The following ARHGAP26 variants were observed in gnomAD, a reference collection of about 807,000 sequenced individuals.
ARHGAP26 encodes Rho GTPase activating protein 26.
A neutral mutation model predicts 104.8 loss-of-function variants in ARHGAP26; 38 were observed. That is an observed-to-expected ratio of 0.36 (90% CI 0.28 to 0.48). The LOEUF (loss-of-function observed/expected upper bound fraction) is 0.48, where lower values mean the gene tolerates loss of function less well. Ranked by LOEUF, ARHGAP26 falls within the 20% of genes least tolerant of loss-of-function variation. The pLI is 0.99. For synonymous variants in ARHGAP26, 341 were observed against 340.0 expected (o/e 1.00, Z -0.03); for missense variants, 704 against 947.9 (o/e 0.74, Z 3.38).
rs3776335 is a variant in ARHGAP26 at position 143,060,442 on chromosome 5, A to G, written c.1538+2695A>G. Reference sequence around the variant, plus strand: ...CCAGCTAAAAATTCATTCAGAGGGGAAAAAAAGTATTGGGTGGGGGGAAGG... The same window carrying G: ...CCAGCTAAAAATTCATTCAGAGGGGGAAAAAAGTATTGGGTGGGGGGAAGG... On this transcript the variant is annotated intron_variant, in intron 17 of 22. Coordinates refer to ENST00000645722, the MANE Select transcript of ARHGAP26 (RefSeq NM_001135608.3). 5.3e-3 allele frequency among the ~76,000 whole-genome samples: 803 copies of G among 152,156 alleles called. 14 individuals are homozygous for G. Among genetic ancestry groups the G allele is most frequent in the East Asian group, 0.018 (94 of 5,190 alleles).
At position 143,224,107 on chromosome 5, in the gene ARHGAP26, C is replaced by CTT. The variant is rs11347785; in HGVS notation, c.*1672_*1673dup. 9.5e-5 allele frequency: 20 copies of CTT among 209,786 alleles called. No homozygotes were observed. Among genetic ancestry groups the CTT allele is most frequent in the African/African-American group, 2.5e-4 (11 of 43,654 alleles). The allele number at this position is 209,786 out of a possible 1,614,324, so 13.0% of individuals were successfully genotyped here. The stretch of plus-strand genomic sequence containing the variant: ...TTGTGTTGAATTACTGTATCTTTTA[C>CTT]TTTTTTTTTTTTGAAAAGATAAACT... On this transcript the variant is annotated 3_prime_UTR_variant, in exon 23 of 23. Transcript: ENST00000645722.
intron 6 of ARHGAP26, among the ~76,000 whole-genome samples, chr5:142,895,493 G>A (rs113842165): frequency 0.036 from 5,491 of 152,242 alleles, 148 homozygotes; most frequent in Non-Finnish European, 0.055. Context: ...GCCTCCCAAA[G>A]TGCTGGGATT....
intron 20 of ARHGAP26, among the ~76,000 whole-genome samples, chr5:143,196,461 T>G (rs1806846586): frequency 6.6e-6 from 1 of 152,140 alleles, no homozygotes; most frequent in South Asian, 2.1e-4. Context: ...GGTCACAACA[T>G]TTTCATCACC....
chr5:142,873,443 A>G lies in ARHGAP26; in HGVS notation c.198A>G (p.Glu66=). 1.9e-6 allele frequency: 3 copies of G among 1,603,216 alleles called. No individual in the cohort carries two copies. The highest frequency in any genetic ancestry group is 2.5e-6 in the Non-Finnish European group (3 of 1,177,272). The change falls in exon 2 of 23, where the codon GAA becomes GAG. Residue 66 remains glutamate, a synonymous_variant. Coordinates refer to ENST00000645722, the MANE Select transcript of ARHGAP26 (RefSeq NM_001135608.3). ...AKRKFADSLN[E]FKFQCIGDAE... ...GGAAGTTTGCAGATTCCTTAAATGA[A>G]TTTAAATTTCAGTGCATAGGAGATG... is the stretch of plus-strand genomic sequence containing the variant.
chr5:143,142,972 C>T (rs1388887931), intron 19 of ARHGAP26, among the ~76,000 whole-genome samples: 3 of 152,078 alleles, frequency 2.0e-5, no homozygotes, highest in South Asian at 2.1e-4. Context: ...TGTAAAACTT[C>T]GCTCTGTCTG....
At chr5:143,194,474 C>T (rs574367564) in intron 20 of ARHGAP26, among the ~76,000 whole-genome samples, 2 of 152,124 alleles carry the variant, frequency 1.3e-5, no homozygotes, top group East Asian at 3.9e-4. Context: ...AAGAATAGTT[C>T]TCTTAAGTTA....
chr5:143,211,993 C>T (rs1352171139), intron 21 of ARHGAP26, among the ~76,000 whole-genome samples: 1 of 152,176 alleles, frequency 6.6e-6, no homozygotes, highest in African/African-American at 2.4e-5. Flanking sequence ...GCCAAATACC[C>T]CTGCTGGTTT....
chr5:142,807,899 G>C (rs569230521), intron 1 of ARHGAP26, among the ~76,000 whole-genome samples: 16 of 152,294 alleles, frequency 1.1e-4, no homozygotes, highest in African/African-American at 3.8e-4. Context: ...GGTTGAAAAG[G>C]ATAAACTGGA....
intron 1 of ARHGAP26, among the ~76,000 whole-genome samples, chr5:142,816,519 T>G (rs1765164033): frequency 1.3e-5 from 2 of 152,164 alleles, no homozygotes; most frequent in African/African-American, 4.8e-5. Context: ...AGGCATCTTG[T>G]AGGAGATGCC....
At chr5:142,832,311 G>T (rs1433380564) in intron 1 of ARHGAP26, among the ~76,000 whole-genome samples, 1 of 152,192 alleles carries the variant, frequency 6.6e-6, no homozygotes, top group East Asian at 1.9e-4. Flanking sequence ...GTTAAATGGG[G>T]TTATATGGGT....
At chr5:142,907,959 G>T (rs1761340129) in intron 9 of ARHGAP26, among the ~76,000 whole-genome samples, 155 bp downstream of exon 9, 1 of 152,092 alleles carries the variant, frequency 6.6e-6, no homozygotes, top group Middle Eastern at 3.4e-3. Context: ...AGTTCAGGAA[G>T]CCTAAGAGGC....
intron 11 of ARHGAP26, among the ~76,000 whole-genome samples, chr5:142,993,814 T>C (rs1775995543): frequency 1.4e-5 from 1 of 71,542 alleles, no homozygotes; most frequent in South Asian, 3.9e-4. Context: ...CCCAGCTAAT[T>C]TCTTTTTCTT....
chr5:143,042,338 A>G (rs1783588673), intron 14 of ARHGAP26, among the ~76,000 whole-genome samples: 1 of 152,272 alleles, frequency 6.6e-6, no homozygotes, highest in South Asian at 2.1e-4. Flanking sequence ...GTGTCATGTA[A>G]CTCTCAGATA....
chr5:143,180,848 C>G (rs1599393941), intron 20 of ARHGAP26, among the ~76,000 whole-genome samples: 1 of 152,318 alleles, frequency 6.6e-6, no homozygotes, highest in Non-Finnish European at 1.5e-5. Context: ...TATCCCAGAT[C>G]TCCTACCTGT....
At chr5:143,047,999 C>G (rs549136854) in intron 14 of ARHGAP26, among the ~76,000 whole-genome samples, 1 of 151,836 alleles carries the variant, frequency 6.6e-6, no homozygotes, top group South Asian at 2.1e-4. Context: ...GGTGCATGCC[C>G]CCACACCAGG....
intron 11 of ARHGAP26, among the ~76,000 whole-genome samples, chr5:142,960,316 C>G (rs1451635854): frequency 6.6e-6 from 1 of 152,262 alleles, no homozygotes; most frequent in East Asian, 1.9e-4. Flanking sequence ...ATAAGCAGTT[C>G]TCTCTCATCG....
chr5:143,063,397 C>G (rs1240559458), intron 17 of ARHGAP26, among the ~76,000 whole-genome samples: 1 of 152,158 alleles, frequency 6.6e-6, no homozygotes, highest in Non-Finnish European at 1.5e-5. Flanking sequence ...TTCCAGGGAA[C>G]TTTGAAAACT....
intron 1 of ARHGAP26, among the ~76,000 whole-genome samples, chr5:142,779,847 CAG>C (rs1757145628): frequency 6.6e-6 from 1 of 152,176 alleles, no homozygotes; most frequent in Non-Finnish European, 1.5e-5. Context: ...ACTTGTGGGT[CAG>C]GGGTAGACAA....
intron 17 of ARHGAP26, among the ~76,000 whole-genome samples, chr5:143,070,269 A>G (rs1205427020): frequency 2.0e-5 from 3 of 152,208 alleles, no homozygotes; most frequent in Non-Finnish European, 4.4e-5. Context: ...CTACCTAGTT[A>G]TGAGCTTCCC....
Sources: allele counts gnomAD v4.1 joint callset (sites outside exome capture counted in the v4.1 genomes callset), GRCh38; gene constraint gnomAD v4.1.1; transcripts MANE v1.5; gene names NCBI Gene and HGNC (gene_info 2026-07-23, HGNC 2026-07-21).